Variants in PDE4DIP observed in about 807,000 individuals in gnomAD.
PDE4DIP encodes the protein myomegalin.
Under a neutral mutation model 221.4 loss-of-function variants are expected in PDE4DIP, and 59 were observed. The observed-to-expected ratio is 0.27, with a 90% confidence interval of 0.22 to 0.33. The LOEUF (loss-of-function observed/expected upper bound fraction) is 0.33. PDE4DIP is among the 10% of genes least tolerant of loss of function. The pLI is 1.00. For synonymous variants in PDE4DIP, 404 were observed against 815.9 expected (o/e 0.50, Z 8.60); for missense variants, 1,036 against 2,154.2 (o/e 0.48, Z 10.28).
chr1:148,978,621 C>T (rs1553539816), intron 19 of PDE4DIP, among the ~76,000 whole-genome samples: 1 of 151,970 alleles, frequency 6.6e-6, no homozygotes, highest in African/African-American at 2.4e-5. Context: ...CTCACTGTGT[C>T]ACCCAGGCAG....
At chr1:148,929,604 G>A (rs1354062442) in intron 2 of PDE4DIP, 3 of 263,982 alleles carry the variant, frequency 1.1e-5, no homozygotes, top group African/African-American at 2.2e-5. Context: ...GTATCAGTCA[G>A]CCTATAATAA....
At chr1:148,978,388 A>G (rs782797176) in exon 19 of PDE4DIP, 4 of 1,609,092 alleles carry the variant, frequency 2.5e-6, no homozygotes, top group Non-Finnish European at 3.4e-6. Context: ...CCCAGGGTCA[A>G]GAAATTTCAG....
intron 5 of PDE4DIP, among the ~76,000 whole-genome samples, chr1:148,949,676 A>C (rs2052664039): frequency 1.3e-5 from 2 of 152,158 alleles, no homozygotes; most frequent in South Asian, 2.1e-4. Flanking sequence ...TTTTTGTTTT[A>C]TTTTTAAATT....
intron 1 of PDE4DIP, among the ~76,000 whole-genome samples, chr1:148,828,995 C>T (rs1671325913): frequency 6.8e-6 from 1 of 147,268 alleles, no homozygotes; most frequent in African/African-American, 2.5e-5. Flanking sequence ...AAGGCATTGT[C>T]CCAGTTGTCT....
chr1:148,985,152 G>T (rs1443018490), intron 21 of PDE4DIP: 5 of 152,084 alleles, frequency 3.3e-5, no homozygotes, highest in Non-Finnish European at 1.5e-5. Context: ...CCAGCACAGA[G>T]TATTTTCTCT....
rs145237771 is a variant in PDE4DIP at position 148,920,119 on chromosome 1, A to T, written c.142-9078A>T. Among the ~76,000 whole-genome samples, 27 of 140,534 alleles carry T rather than the reference A, an allele frequency of 1.9e-4. 1 individual carries two copies. The highest frequency in any genetic ancestry group is 5.5e-4 in the African/African-American group (19 of 34,504). 92.2% of individuals were successfully genotyped at this position (140,534 alleles called of 152,430 possible). A position where few individuals can be genotyped will look rare whatever the true frequency, so the allele number is the denominator to read the frequency against. On this transcript the variant is annotated intron_variant, in intron 1 of 43. Coordinates refer to ENST00000369354, the Ensembl canonical transcript of PDE4DIP. ...TGTCAAGATTTTTTAAAAACTATTT[A>T]TTTTTTTTTTGGTTTTTATTTATTT...
intron 5 of PDE4DIP, among the ~76,000 whole-genome samples, chr1:148,944,779 G>C (rs1747900): frequency 6.6e-6 from 1 of 152,170 alleles, no homozygotes; most frequent in African/African-American, 2.4e-5. Context: ...GCTGAGGCAG[G>C]AGAATTGCTT....
At chr1:148,986,598 G>C (rs112427713) in intron 21 of PDE4DIP, 1 of 151,974 alleles carries the variant, frequency 6.6e-6, no homozygotes, top group Non-Finnish European at 1.5e-5. Context: ...AGCAAGGCTC[G>C]TAGAATGAGT....
At chr1:148,979,169 T>A (rs1191170362) in intron 19 of PDE4DIP, among the ~76,000 whole-genome samples, 2 of 152,180 alleles carry the variant, frequency 1.3e-5, no homozygotes, top group Non-Finnish European at 2.9e-5. Context: ...GTCTCCATTA[T>A]CATCTGTCTC....
Position 148,818,094 on chromosome 1 carries a change from G to A in PDE4DIP, c.233+9357G>A, listed in dbSNP as rs587628032. ...CTCCCAAAGTGCTGGGATTACAGGC[G>A]TGAGGCACTGTGCCCCGCCCATGTA... On this transcript the variant is annotated intron_variant, in intron 1 of 45. Transcript: ENST00000524974. 7.1e-3 allele frequency among the ~76,000 whole-genome samples: 1,060 copies of A among 149,468 alleles called. 5 individuals carry two copies. In the East Asian group the frequency reaches 0.075, roughly 11 times the overall value.
intron 9 of PDE4DIP, among the ~76,000 whole-genome samples, chr1:148,962,992 A>G (rs1456452620): frequency 2.0e-5 from 3 of 152,230 alleles, no homozygotes; most frequent in Middle Eastern, 3.4e-3. Flanking sequence ...TCCTGTATTC[A>G]TGCCATTCTC....
chr1:148,935,300 C>A (rs1478486028), intron 4 of PDE4DIP, among the ~76,000 whole-genome samples: 19 of 148,236 alleles, frequency 1.3e-4, no homozygotes, highest in African/African-American at 4.0e-4. Flanking sequence ...CCAATATATA[C>A]AAACAGAGAA....
In PDE4DIP at chr1:148,990,479, C is replaced by A. The variant is rs879986024; in HGVS notation, c.2816-1406C>A. On this transcript the variant is annotated intron_variant, in intron 21 of 43. Transcript: ENST00000369354. ...GGATGTCTGAACTCAACAGAAGGTT[C>A]TTTGGTCTTGGAGGAAGAAGCAAAG... 15 of 308,624 alleles carry A rather than the reference C, an allele frequency of 4.9e-5. No homozygotes were observed. The South Asian group carries it at 1.9e-3, about 39-fold the overall frequency. The allele number at this position is 308,624 out of a possible 1,614,324, so 19.1% of individuals were successfully genotyped here.
At chr1:148,937,392 A>G (rs587623934) in intron 4 of PDE4DIP, among the ~76,000 whole-genome samples, 1 of 152,182 alleles carries the variant, frequency 6.6e-6, no homozygotes. Context: ...TGCATTGAGT[A>G]CACAAAATAG....
chr1:148,905,365 ATTTTTAT>A lies in PDE4DIP; in HGVS notation c.141+15488_141+15494del, dbSNP rs1161228032. On this transcript the variant is annotated intron_variant, in intron 1 of 43. Coordinates refer to ENST00000369354, the Ensembl canonical transcript of PDE4DIP. Reference sequence around the variant, plus strand: ...CGTCCGGCTAATTTTTTGTATTTTTATTTTTATTTTTTATTTTTTATTTATTTTATTT... The same window carrying A: ...CGTCCGGCTAATTTTTTGTATTTTTATTTTTATTTTTTATTTATTTTATTT... 4.1e-4 allele frequency among the ~76,000 whole-genome samples: 22 copies of A among 53,740 alleles called. No individual in the cohort carries two copies. In the East Asian group the frequency reaches 0.012, roughly 30 times the overall value. The allele number at this position is 53,740 out of a possible 152,430, so 35.3% of individuals were successfully genotyped here.
intron 38 of PDE4DIP, chr1:149,025,554 A>G (rs587650686): frequency 2.0e-5 from 3 of 151,470 alleles, no homozygotes; most frequent in Non-Finnish European, 2.9e-5. Context: ...TGAAATGTCA[A>G]TGGTGTCCCC....
chr1:149,010,607 C>A lies in PDE4DIP; in HGVS notation c.5080+12C>A, dbSNP rs1553604589. 1 of 1,613,024 alleles carries A rather than the reference C, an allele frequency of 6.2e-7. No homozygotes were observed. The highest frequency in any genetic ancestry group is 8.5e-7 in the Non-Finnish European group (1 of 1,179,388). On this transcript the variant is annotated intron_variant, in intron 31 of 43. Coordinates refer to ENST00000369354, the Ensembl canonical transcript of PDE4DIP. ...CCAGGCCCATTCAGGTATGCAACAGCCAATGGGGCAGAAGCTTCATCTCCT... is the reference window on the plus strand; with the variant it reads ...CCAGGCCCATTCAGGTATGCAACAGACAATGGGGCAGAAGCTTCATCTCCT...
At chr1:149,013,781 C>CTTTT (rs71582768) in intron 32 of PDE4DIP, among the ~76,000 whole-genome samples, 367 of 31,936 alleles carry the variant, frequency 0.011, 61 homozygotes, top group African/African-American at 0.018. Flanking sequence ...CCTTCTTCCT[C>CTTTT]TTTTTTTTTT....
intron 1 of PDE4DIP, among the ~76,000 whole-genome samples, chr1:148,927,071 G>A (rs1553466248): frequency 6.7e-6 from 1 of 148,800 alleles, no homozygotes; most frequent in African/African-American, 2.5e-5. Context: ...CTCAAATATT[G>A]CAAAGGATAT....
Sources: allele counts gnomAD v4.1 joint callset (sites outside exome capture counted in the v4.1 genomes callset), GRCh38; gene constraint gnomAD v4.1.1; transcripts MANE v1.5; gene names NCBI Gene and HGNC (gene_info 2026-07-23, HGNC 2026-07-21).